ACAP1: variants seen among roughly 807,000 people sequenced by gnomAD.
ACAP1 encodes arf-GAP with coiled-coil, ANK repeat and PH domain-containing protein 1.
ACAP1 carries 45 observed loss-of-function variants against 98.8 expected under a neutral mutation model. The observed-to-expected ratio is 0.46, with a 90% CI of 0.36 to 0.58. ACAP1 has a LOEUF of 0.58. Among genes scored for constraint, ACAP1 ranks in the 20% least tolerant of loss-of-function variants. ACAP1 has a pLI of 0.00. For synonymous variants in ACAP1, 362 were observed against 375.3 expected (o/e 0.96, Z 0.41); for missense variants, 735 against 971.4 (o/e 0.76, Z 3.24).
Position 7,350,092 on chromosome 17 carries a change from T to C in ACAP1, c.1962-35T>C, listed in dbSNP as rs368434289. On this transcript the variant is annotated intron_variant, in intron 19 of 21. Coordinates refer to ENST00000158762, the MANE Select transcript of ACAP1 (RefSeq NM_014716.4). The surrounding 1 kb of genome is among the most constrained non-coding windows in gnomAD (Gnocchi z 4.6). ...GCATGGGGAGGAAGGCTGGGAGAAG[T>C]TGGGCGGCCGGCTGACCCTGGCTCT... 1.3e-4 allele frequency: 208 copies of C among 1,613,080 alleles called. No individual in the cohort carries two copies. The highest frequency in any genetic ancestry group is 1.7e-4 in the Non-Finnish European group (200 of 1,179,356).
chr17:7,336,894 G>A (rs890470646), intron 1 of ACAP1, 107 bp downstream of exon 1: 2 of 1,290,356 alleles, frequency 1.5e-6, no homozygotes, highest in Non-Finnish European at 2.2e-6. Context: ...AGGCCTCTAA[G>A]AGGCAGGAGC....
At chr17:7,342,753 A>C (rs1336106380) in intron 5 of ACAP1, 2 of 472,966 alleles carry the variant, frequency 4.2e-6, no homozygotes, top group Non-Finnish European at 7.7e-6. Flanking sequence ...ATACGAAAAA[A>C]AAAAATTAGC....
chr17:7,348,113 T>G lies in ACAP1; in HGVS notation c.1414-14T>G. The G allele has an allele frequency of 1.2e-6, 2 of 1,613,846 alleles. No homozygotes were observed. The highest frequency in any genetic ancestry group is 8.5e-7 in the Non-Finnish European group (1 of 1,179,830). ...CACCTTCCCTGTCTCTGCCTCTGCC[T>G]GGGCCTCCTGAAGCTCATGTGTGAG... On this transcript the variant is annotated splice_polypyrimidine_tract_variant and intron_variant, in intron 15 of 21. Transcript: ENST00000158762.
intron 3 of ACAP1, 30 bp from the exon 4 acceptor site, chr17:7,342,245 G>A (rs2143016551): frequency 1.2e-6 from 2 of 1,613,260 alleles, no homozygotes; most frequent in Non-Finnish European, 1.7e-6. Flanking sequence ...CCCCATGCCT[G>A]GTACTCTTTC....
chr17:7,339,992 C>T (rs532479493), intron 2 of ACAP1, among the ~76,000 whole-genome samples: 18 of 152,204 alleles, frequency 1.2e-4, no homozygotes, highest in Non-Finnish European at 4.4e-5. Context: ...CGGGTGTGGT[C>T]GCTCATGCCT....
Position 7,343,590 on chromosome 17 carries a change from G to C in ACAP1, c.528+28G>C. ...GCCTGCCCCAATCTGTCTTCCTGGG[G>C]TACCAGAGCCTCAAGTGTCACCTCG... On this transcript the variant is annotated intron_variant, in intron 6 of 21. Coordinates refer to ENST00000158762, the MANE Select transcript of ACAP1 (RefSeq NM_014716.4). This position sits in a 1 kb window ranked among gnomAD's most constrained non-coding sequence, Gnocchi z 4.9. 1 of 1,602,574 alleles carries C rather than the reference G, an allele frequency of 6.2e-7. No homozygotes were observed. Among genetic ancestry groups the C allele is most frequent in the Non-Finnish European group, 8.5e-7 (1 of 1,172,218 alleles).
chr17:7,348,595 G>A (rs1433853552), intron 17 of ACAP1, 120 bp downstream of exon 17: 19 of 1,160,982 alleles, frequency 1.6e-5, no homozygotes, highest in South Asian at 3.8e-5. Flanking sequence ...CGGAGGGACC[G>A]GACTGCCGTT....
chr17:7,351,158 G>A (rs982112065), intron 21 of ACAP1, 137 bp from the exon 22 acceptor site: 1 of 1,099,192 alleles, frequency 9.1e-7, no homozygotes, highest in Non-Finnish European at 1.3e-6. Flanking sequence ...CAAGGCATAG[G>A]TGCTGGCGCA....
At chr17:7,338,031 A>G (rs940788535) in intron 2 of ACAP1, among the ~76,000 whole-genome samples, 4 of 151,942 alleles carry the variant, frequency 2.6e-5, no homozygotes, top group Non-Finnish European at 5.9e-5. Flanking sequence ...TCCCCTGAGC[A>G]CTCTATCAAA....
chr17:7,348,033 G>A (rs2073364443), intron 15 of ACAP1, 42 bp downstream of exon 15: 7 of 1,612,106 alleles, frequency 4.3e-6, no homozygotes, highest in African/African-American at 1.3e-5. Flanking sequence ...AGAACTTGGG[G>A]TGGGGCAAGG....
At position 7,343,122 on chromosome 17, in the gene ACAP1, G is replaced by T. The variant is rs1456547799; in HGVS notation, c.345-257G>T. ...CAACAACAAAAATTTTTTAAAGGGGGAGTGAGATGGGAGAGAAGGGGGCCT... is the reference window on the plus strand; with the variant it reads ...CAACAACAAAAATTTTTTAAAGGGGTAGTGAGATGGGAGAGAAGGGGGCCT... On this transcript the variant is annotated intron_variant, in intron 5 of 21. Transcript: ENST00000158762. The surrounding 1 kb of genome is among the most constrained non-coding windows in gnomAD (Gnocchi z 4.9). 9 of 429,200 alleles carry T rather than the reference G, an allele frequency of 2.1e-5. No homozygotes were observed. Among genetic ancestry groups the T allele is most frequent in the Non-Finnish European group, 3.7e-5 (9 of 242,164 alleles). The allele number at this position is 429,200 out of a possible 1,614,324, so 26.6% of individuals were successfully genotyped here.
intron 17 of ACAP1, chr17:7,348,743 G>A: frequency 1.7e-6 from 1 of 582,688 alleles, no homozygotes. Context: ...GTCAGGGGTT[G>A]AGAGCTGAGG....
Position 7,343,285 on chromosome 17 carries a change from A to C in ACAP1, c.345-94A>C. 1 of 1,346,962 alleles carries C rather than the reference A, an allele frequency of 7.4e-7. No individual in the cohort carries two copies. The highest frequency in any genetic ancestry group is 1.0e-6 in the Non-Finnish European group (1 of 979,568). 83.4% of individuals were successfully genotyped at this position (1,346,962 alleles called of 1,614,324 possible). ...ACCTTGGGTTTCCCACGTTGCAGAG[A>C]CTAACTGAAAGGACATGAGGGCTTT... On this transcript the variant is annotated intron_variant, in intron 5 of 21. Coordinates refer to ENST00000158762, the MANE Select transcript of ACAP1 (RefSeq NM_014716.4). The surrounding 1 kb of genome is among the most constrained non-coding windows in gnomAD (Gnocchi z 4.9).
intron 1 of ACAP1, 46 bp from the exon 2 acceptor site, chr17:7,337,266 G>A: frequency 6.3e-7 from 1 of 1,594,168 alleles, no homozygotes; most frequent in South Asian, 1.1e-5. Context: ...GAGGCAGACA[G>A]ACCAGATGGA....
Position 7,343,687 on chromosome 17 carries a change from T to C in ACAP1, c.529-19T>C. 2 of 1,612,402 alleles carry C rather than the reference T, an allele frequency of 1.2e-6. No homozygotes were observed. The highest frequency in any genetic ancestry group is 1.7e-6 in the Non-Finnish European group (2 of 1,178,972). ...CAAGACTGATCTGGGGTTTTTTACGTCCTCTTTTACGTCCTCAGATCAACG... is the reference window on the plus strand; with the variant it reads ...CAAGACTGATCTGGGGTTTTTTACGCCCTCTTTTACGTCCTCAGATCAACG... On this transcript the variant is annotated intron_variant, in intron 6 of 21. Transcript: ENST00000158762. The surrounding 1 kb of genome is among the most constrained non-coding windows in gnomAD (Gnocchi z 4.9).
chr17:7,341,046 C>T (rs2073271332), intron 2 of ACAP1, among the ~76,000 whole-genome samples: 1 of 152,136 alleles, frequency 6.6e-6, no homozygotes, highest in Non-Finnish European at 1.5e-5. Flanking sequence ...CCGGCATTTC[C>T]TCTTGGCCCT....
chr17:7,341,584 C>T (rs775065198), intron 2 of ACAP1, among the ~76,000 whole-genome samples: 19 of 152,162 alleles, frequency 1.2e-4, no homozygotes, highest in Non-Finnish European at 1.8e-4. Flanking sequence ...GCATCCAGAC[C>T]ATGCAGGAAT....
In ACAP1 at chr17:7,344,777, C is replaced by A; in HGVS notation, c.854+129C>A. On this transcript the variant is annotated intron_variant, in intron 10 of 21. Coordinates refer to ENST00000158762, the MANE Select transcript of ACAP1 (RefSeq NM_014716.4). This position sits in a 1 kb window ranked among gnomAD's most constrained non-coding sequence, Gnocchi z 4.9. The stretch of plus-strand genomic sequence containing the variant: ...CCTCAGTAGAGTTTCATTCCATCAG[C>A]AAAGACAGAGGATAAACCTAGTATG... 1.5e-6 allele frequency: 1 copy of A among 660,088 alleles called. No individual in the cohort carries two copies. Among genetic ancestry groups the A allele is most frequent in the Non-Finnish European group, 2.7e-6 (1 of 374,456 alleles). The allele number at this position is 660,088 out of a possible 1,614,324, so 40.9% of individuals were successfully genotyped here.
At chr17:7,340,512 C>T (rs1358356942) in intron 2 of ACAP1, among the ~76,000 whole-genome samples, 1 of 152,136 alleles carries the variant, frequency 6.6e-6, no homozygotes, top group Non-Finnish European at 1.5e-5. Flanking sequence ...CATCCTTGTA[C>T]CTTGTCACAG....
Sources: gnomAD v4.1 joint callset for allele counts (sites outside exome capture counted in the v4.1 genomes callset) on GRCh38, gnomAD v4.1.1 for gene constraint, Gnocchi (gnomAD v3.1) non-coding constraint, MANE v1.5 for transcripts, NCBI Gene and HGNC (gene_info 2026-07-23, HGNC 2026-07-21) for gene names.